Variants in C3orf70 observed in about 807,000 individuals in gnomAD.
The protein encoded by C3orf70 is UPF0524 protein C3orf70.
In C3orf70, 15 loss-of-function variants were observed where a neutral mutation model predicts 20.7. The ratio of observed to expected loss-of-function variants is 0.72; its 90% CI spans 0.48 to 1.11. The LOEUF is 1.11. Among genes scored for constraint, C3orf70 ranks in the 50% most tolerant of loss-of-function variants. The probability of loss-of-function intolerance (pLI) is 0.00; values close to 1 mark genes in which losing one functional copy is unlikely to be tolerated. For missense variants in C3orf70, 332 were observed against 317.6 expected (o/e 1.05, Z -0.34); for synonymous variants, 161 against 125.7 (o/e 1.28, Z -1.88).
At chr3:185,133,172 A>C (rs994582031) in intron 1 of C3orf70, among the ~76,000 whole-genome samples, 5 of 152,146 alleles carry the variant, frequency 3.3e-5, no homozygotes, top group African/African-American at 1.2e-4. Flanking sequence ...TTGACAATAC[A>C]CTCTGTTGGT....
At chr3:185,090,305 T>G (rs1715539547) in intron 1 of C3orf70, among the ~76,000 whole-genome samples, 1 of 151,964 alleles carries the variant, frequency 6.6e-6, no homozygotes, top group Admixed American at 6.6e-5. Context: ...ATATAGAAAA[T>G]AAAATAAATG....
chr3:185,083,877 T>C (rs891845055), intron 1 of C3orf70, among the ~76,000 whole-genome samples: 1 of 152,206 alleles, frequency 6.6e-6, no homozygotes, highest in East Asian at 1.9e-4. Flanking sequence ...CTCATTATAC[T>C]AGAACAAAAA....
At chr3:185,091,125 A>G (rs1032822672) in intron 1 of C3orf70, among the ~76,000 whole-genome samples, 2 of 152,196 alleles carry the variant, frequency 1.3e-5, no homozygotes, top group African/African-American at 4.8e-5. Flanking sequence ...TTTCAGATAG[A>G]TACAGAAGAT....
chr3:185,104,781 A>G (rs1715891473), intron 1 of C3orf70, among the ~76,000 whole-genome samples: 1 of 152,192 alleles, frequency 6.6e-6, no homozygotes, highest in Non-Finnish European at 1.5e-5. Context: ...GAACACATGG[A>G]CACATAGAGG....
intron 1 of C3orf70, among the ~76,000 whole-genome samples, chr3:185,145,355 G>A (rs555667003): frequency 9.8e-5 from 15 of 152,336 alleles, no homozygotes; most frequent in African/African-American, 3.4e-4. Flanking sequence ...AAAACGGCTT[G>A]TGCCAGTCAG....
At position 185,082,072 on chromosome 3, in the gene C3orf70, G is replaced by C. The variant is rs550974377; in HGVS notation, c.*935C>G. 5 of 152,154 alleles carry C rather than the reference G, an allele frequency of 3.3e-5. No individual in the cohort carries two copies. The highest frequency in any genetic ancestry group is 5.9e-5 in the Non-Finnish European group (4 of 68,018). 9.4% of individuals were successfully genotyped at this position (152,154 alleles called of 1,614,324 possible). Reference sequence around the variant, plus strand: ...GTGATACCTATATAACTTCCTAAGAGTTTTTCCCAGACTTGAAGAACAATT... The same window carrying C: ...GTGATACCTATATAACTTCCTAAGACTTTTTCCCAGACTTGAAGAACAATT... On this transcript the variant is annotated 3_prime_UTR_variant, in exon 2 of 2. Transcript: ENST00000335012.
intron 1 of C3orf70, among the ~76,000 whole-genome samples, chr3:185,093,916 C>G (rs1335044804): frequency 6.6e-6 from 1 of 151,884 alleles, no homozygotes; most frequent in African/African-American, 2.4e-5. Context: ...GAGGACCACC[C>G]CACCCCAACA....
chr3:185,087,816 T>C (rs533577888), intron 1 of C3orf70, among the ~76,000 whole-genome samples: 1 of 152,338 alleles, frequency 6.6e-6, no homozygotes, highest in South Asian at 2.1e-4. Context: ...TAATTATGTA[T>C]ATTTTACCAA....
At chr3:185,091,548 AT>A (rs755940468) in intron 1 of C3orf70, among the ~76,000 whole-genome samples, 31 of 152,098 alleles carry the variant, frequency 2.0e-4, no homozygotes, top group Admixed American at 6.6e-4. Flanking sequence ...ATTTTTAAGC[AT>A]GAGGTTCTAA....
intron 1 of C3orf70, among the ~76,000 whole-genome samples, chr3:185,125,802 GCATAT>G (rs1221936128): frequency 2.0e-5 from 3 of 152,158 alleles, no homozygotes; most frequent in Non-Finnish European, 4.4e-5. Flanking sequence ...TAAAAAGGTT[GCATAT>G]CATATGATTC....
At chr3:185,111,480 A>G (rs1377400462) in intron 1 of C3orf70, among the ~76,000 whole-genome samples, 1 of 152,210 alleles carries the variant, frequency 6.6e-6, no homozygotes, top group African/African-American at 2.4e-5. Context: ...AAAATGCTCA[A>G]CACATCATTA....
chr3:185,144,846 C>T (rs755037792), intron 1 of C3orf70, among the ~76,000 whole-genome samples: 1 of 152,226 alleles, frequency 6.6e-6, no homozygotes, highest in Non-Finnish European at 1.5e-5. Flanking sequence ...TGCAATGTTG[C>T]TCCTGGGCCA....
intron 1 of C3orf70, among the ~76,000 whole-genome samples, chr3:185,134,010 G>A (rs1430396352): frequency 6.6e-6 from 1 of 151,840 alleles, no homozygotes; most frequent in African/African-American, 2.4e-5. Flanking sequence ...GATGGCTTGA[G>A]CCCAGGAGTT....
chr3:185,095,770 C>G (rs1715688027), intron 1 of C3orf70, among the ~76,000 whole-genome samples: 1 of 134,300 alleles, frequency 7.4e-6, no homozygotes, highest in Non-Finnish European at 1.5e-5. Flanking sequence ...CGGAGTCTTG[C>G]TCTGTCACCA....
In C3orf70 at chr3:185,136,648, C is replaced by T. The variant is rs571353438; in HGVS notation, c.196+15980G>A. Among the ~76,000 whole-genome samples, 335 of 152,212 alleles carry T rather than the reference C, an allele frequency of 2.2e-3. 4 individuals are homozygous for T. Among genetic ancestry groups the T allele is most frequent in the Non-Finnish European group, 7.5e-4 (51 of 68,002 alleles). ...CTGAGGCAGGAGAATGGCGTGAACC[C>T]GGGAGGCGGAGCTTGCAGTGAGCCG... On this transcript the variant is annotated intron_variant, in intron 1 of 1. Coordinates refer to ENST00000335012, the MANE Select transcript of C3orf70 (RefSeq NM_001025266.3).
At chr3:185,094,983 G>A (rs1487025130) in intron 1 of C3orf70, among the ~76,000 whole-genome samples, 1 of 152,238 alleles carries the variant, frequency 6.6e-6, no homozygotes. Flanking sequence ...ACAGTGCAGA[G>A]AAGTGTGATG....
At chr3:185,097,390 C>G (rs1226316934) in intron 1 of C3orf70, among the ~76,000 whole-genome samples, 1 of 152,124 alleles carries the variant, frequency 6.6e-6, no homozygotes, top group East Asian at 1.9e-4. Flanking sequence ...AATATTCTAT[C>G]TCAATAATAT....
rs1344042166 is a variant in C3orf70, at chr3:185,083,480, T to C, written c.280A>G (p.Thr94Ala). The change falls in exon 2 of 2, where the codon ACC becomes GCC. Residue 94 changes from threonine to alanine, a missense_variant. Thr to Ala is a moderately conservative substitution (Grantham distance 58). Transcript: ENST00000335012. ...IPARPREPTN[T>A]IQISVSLTEH... ...GTGAGCGAGACTGAGATCTGAATGGTGTTTGTGGGTTCCCGAGGCCTGGCA... is the reference window on the plus strand; with the variant it reads ...GTGAGCGAGACTGAGATCTGAATGGCGTTTGTGGGTTCCCGAGGCCTGGCA... 1 of 1,614,070 alleles carries C rather than the reference T, an allele frequency of 6.2e-7. No homozygotes were observed. The highest frequency in any genetic ancestry group is 1.1e-5 in the South Asian group (1 of 91,056).
intron 1 of C3orf70, among the ~76,000 whole-genome samples, chr3:185,110,194 T>G (rs1026144926): frequency 6.6e-6 from 1 of 152,110 alleles, no homozygotes; most frequent in Non-Finnish European, 1.5e-5. Flanking sequence ...AGATCAAAAT[T>G]TGGTAAAGAA....
Sources: gnomAD v4.1 joint callset for allele counts (sites outside exome capture counted in the v4.1 genomes callset) on GRCh38, gnomAD v4.1.1 for gene constraint, MANE v1.5 for transcripts, NCBI Gene and HGNC (gene_info 2026-07-23, HGNC 2026-07-21) for gene names.